DAB1: variants seen among roughly 807,000 people sequenced by gnomAD.
DAB1 encodes the protein DAB adaptor protein 1.
A neutral mutation model predicts 64.6 loss-of-function variants in DAB1; 15 were observed. The observed-to-expected ratio is 0.23, with a 90% CI of 0.16 to 0.36. DAB1 has a LOEUF of 0.36. Ranked by LOEUF, DAB1 falls within the 10% of genes least tolerant of loss-of-function variation. DAB1 has a pLI of 1.00. For synonymous variants in DAB1, 235 were observed against 251.9 expected, an observed-to-expected ratio of 0.93 and a Z score of 0.64; for missense variants, 596 against 706.7, an observed-to-expected ratio of 0.84 and a Z score of 1.78.
intron 6 of DAB1, among the ~76,000 whole-genome samples, chr1:57,760,471 A>G (rs181018500): frequency 6.6e-6 from 1 of 152,140 alleles, no homozygotes. Flanking sequence ...CCAGGTCTCT[A>G]AGAACATGGA....
At chr1:57,524,936 A>C (rs1644573925) in intron 7 of DAB1, among the ~76,000 whole-genome samples, 1 of 152,242 alleles carries the variant, frequency 6.6e-6, no homozygotes, top group Non-Finnish European at 1.5e-5. Flanking sequence ...GAATATGGAA[A>C]GAGAATGACA....
At chr1:58,456,323 TA>T (rs557757508) in intron 3 of DAB1, among the ~76,000 whole-genome samples, 145 of 152,322 alleles carry the variant, frequency 9.5e-4, no homozygotes, top group African/African-American at 3.3e-3. Context: ...ATTGTCTGGC[TA>T]CAGAGTCTAC....
chr1:57,850,184 G>GA (rs1280693013), intron 1 of DAB1, among the ~76,000 whole-genome samples: 2 of 152,192 alleles, frequency 1.3e-5, no homozygotes, highest in African/African-American at 4.8e-5. Flanking sequence ...ACCTTTAATG[G>GA]AAAGAATGTA....
intron 6 of DAB1, among the ~76,000 whole-genome samples, chr1:57,660,583 C>T (rs554138019): frequency 9.9e-5 from 15 of 152,208 alleles, no homozygotes; most frequent in Non-Finnish European, 1.8e-4. Context: ...AGACATGCTG[C>T]GTGACAGATT....
At chr1:57,337,904 T>C (rs1324540439) in intron 1 of DAB1, among the ~76,000 whole-genome samples, 3 of 135,600 alleles carry the variant, frequency 2.2e-5, no homozygotes, top group Non-Finnish European at 3.1e-5. Flanking sequence ...TCCCTTCCCT[T>C]CCCTCCTTCC....
intron 4 of DAB1, among the ~76,000 whole-genome samples, chr1:58,293,505 A>G (rs549956061): frequency 6.6e-5 from 10 of 152,332 alleles, no homozygotes; most frequent in Non-Finnish European, 1.5e-4. Flanking sequence ...AACCCAGTAG[A>G]GTATAAATAA....
chr1:57,702,813 A>T (rs1646922191), intron 6 of DAB1, among the ~76,000 whole-genome samples: 1 of 152,176 alleles, frequency 6.6e-6, no homozygotes, highest in Admixed American at 6.5e-5. Context: ...ATAGTAACCA[A>T]ACAGCATGGT....
At chr1:58,105,690 TC>T (rs1415646902) in intron 5 of DAB1, among the ~76,000 whole-genome samples, 2 of 152,300 alleles carry the variant, frequency 1.3e-5, no homozygotes, top group Admixed American at 6.5e-5. Context: ...AAGTGTTTCA[TC>T]AAATGCTGAC....
chr1:57,340,105 G>T (rs1677449561), intron 1 of DAB1, among the ~76,000 whole-genome samples: 1 of 152,162 alleles, frequency 6.6e-6, no homozygotes, highest in Non-Finnish European at 1.5e-5. Flanking sequence ...ACCCCAACTA[G>T]AAGGGGTTTT....
chr1:58,080,303 A>G (rs1436659215), intron 5 of DAB1: 1 of 152,144 alleles, frequency 6.6e-6, no homozygotes, highest in Non-Finnish European at 1.5e-5. Flanking sequence ...GTTTTTTAAT[A>G]CCCAAAGGGT....
At chr1:57,436,299 C>T (rs1289806413) in intron 7 of DAB1, among the ~76,000 whole-genome samples, 1 of 152,168 alleles carries the variant, frequency 6.6e-6, no homozygotes, top group East Asian at 1.9e-4. Context: ...GTATGCATTG[C>T]AGCACCACAT....
intron 7 of DAB1, among the ~76,000 whole-genome samples, chr1:57,599,903 AG>A (rs1210042256): frequency 6.6e-6 from 1 of 152,126 alleles, no homozygotes; most frequent in Non-Finnish European, 1.5e-5. Context: ...CAGCTTTCTA[AG>A]CTCCACTGTT....
At chr1:57,915,246 G>C (rs540516320) in intron 5 of DAB1, among the ~76,000 whole-genome samples, 4 of 151,980 alleles carry the variant, frequency 2.6e-5, no homozygotes, top group African/African-American at 9.6e-5. Flanking sequence ...CTCTCTTTCT[G>C]ATTTTTCATA....
At chr1:58,180,511 T>C (rs967232216) in intron 4 of DAB1, among the ~76,000 whole-genome samples, 2 of 151,904 alleles carry the variant, frequency 1.3e-5, no homozygotes, top group Non-Finnish European at 2.9e-5. Context: ...CCCAGGCTGG[T>C]CTCAAACTTC....
At chr1:57,140,727 T>C (rs1384307091) in intron 3 of DAB1, among the ~76,000 whole-genome samples, 3 of 152,176 alleles carry the variant, frequency 2.0e-5, no homozygotes, top group Admixed American at 6.5e-5. Flanking sequence ...ATAACAGTTA[T>C]ACTTTTGAGA....
intron 12 of DAB1, 67 bp downstream of exon 12, chr1:57,014,816 A>C: frequency 7.2e-7 from 1 of 1,381,630 alleles, no homozygotes. Context: ...TTGACTCCAG[A>C]AACCCCGCCT....
At chr1:58,443,843 C>A (rs1266518579) in intron 3 of DAB1, among the ~76,000 whole-genome samples, 1 of 152,210 alleles carries the variant, frequency 6.6e-6, no homozygotes, top group African/African-American at 2.4e-5. Flanking sequence ...TTACAGTTCC[C>A]ATTTTTGTTG....
At chr1:58,347,582 G>GTTC (rs1334471335) in intron 3 of DAB1, among the ~76,000 whole-genome samples, 1 of 152,180 alleles carries the variant, frequency 6.6e-6, no homozygotes, top group African/African-American at 2.4e-5. Context: ...AGGTGGAGGA[G>GTTC]AACCACCTTT....
At chr1:57,636,443 A>G (rs1646058692) in intron 7 of DAB1, among the ~76,000 whole-genome samples, 1 of 152,220 alleles carries the variant, frequency 6.6e-6, no homozygotes. Flanking sequence ...CAAGGACAGG[A>G]GGACATTTGA....
Sources: gnomAD v4.1 joint callset for allele counts (sites outside exome capture counted in the v4.1 genomes callset) on GRCh38, gnomAD v4.1.1 for gene constraint, MANE v1.5 for transcripts, NCBI Gene and HGNC (gene_info 2026-07-23, HGNC 2026-07-21) for gene names.